MACF1: variants seen among roughly 807,000 people sequenced by gnomAD.
MACF1 encodes microtubule-actin cross-linking factor 1.
A neutral mutation model predicts 854.8 loss-of-function variants in MACF1; 193 were observed. The ratio of observed to expected loss-of-function variants is 0.23; its 90% CI spans 0.20 to 0.25. The LOEUF (loss-of-function observed/expected upper bound fraction) is 0.25, where lower values mean the gene tolerates loss of function less well. Among genes scored for constraint, MACF1 ranks in the 10% least tolerant of loss-of-function variants. The pLI is 1.00. For synonymous variants in MACF1, 3,185 were observed against 3,226.7 expected (o/e 0.99, Z 0.44); for missense variants, 7,722 against 8,929.1 (o/e 0.86, Z 5.45).
intron 58 of MACF1, among the ~76,000 whole-genome samples, chr1:39,406,738 C>CAAAAAAAAAAAAAAAAAAAAAAAAAAA (rs5773658): frequency 3.1e-5 from 1 of 31,838 alleles, no homozygotes; most frequent in African/African-American, 1.5e-4. Context: ...GAGTCTCACT[C>CAAAAAAAAAAAAAAAAAAAAAAAAAAA]AAAAAAAAAA....
rs753725380 is a variant in MACF1, at chr1:39,412,963, G to C, written c.15817-9411G>C. The C allele has an allele frequency of 1.0e-5, 16 of 1,592,554 alleles. No homozygotes were observed. In the African/African-American group the frequency reaches 1.9e-4, roughly 19 times the overall value. ...AGAGGAGGAGGATGTCACAGCTGCTGCAGTATCAGCCCCAGAGAGGGCTAC... is the reference window on the plus strand; with the variant it reads ...AGAGGAGGAGGATGTCACAGCTGCTCCAGTATCAGCCCCAGAGAGGGCTAC... On this transcript the variant is annotated intron_variant, in intron 58 of 100. Transcript: ENST00000564288.
chr1:39,195,963 A>T (rs939761814), intron 2 of MACF1, among the ~76,000 whole-genome samples: 1 of 152,192 alleles, frequency 6.6e-6, no homozygotes, highest in African/African-American at 2.4e-5. Flanking sequence ...AGCAATATTC[A>T]TAGTCTTTGT....
At position 39,331,424 on chromosome 1, in the gene MACF1, C is replaced by A; in HGVS notation, c.4836C>A (p.Leu1612=). Reference sequence around the variant, plus strand: ...TTAATCCCCAGATGTACCAGCAGCTCCGGGAGCTACAGGATGCCCTGGCCT... The same window carrying A: ...TTAATCCCCAGATGTACCAGCAGCTACGGGAGCTACAGGATGCCCTGGCCT... ...NLINPQMYQQ[L]RELQDALALI... Residue 1612 remains leucine (L), a synonymous_variant, in exon 37 of 101, where the codon CTC becomes CTA. Transcript: ENST00000564288. 1 of 1,614,018 alleles carries A rather than the reference C, an allele frequency of 6.2e-7. No homozygotes were observed. The highest frequency in any genetic ancestry group is 1.7e-5 in the Admixed American group (1 of 60,012).
chr1:39,350,348 CAA>C lies in MACF1; in HGVS notation c.10966-436_10966-435del, dbSNP rs377529247. Among the ~76,000 whole-genome samples the C allele has an allele frequency of 5.0e-4, 76 of 152,206 alleles. 2 individuals are homozygous for C. The South Asian group carries it at 0.014, about 28-fold the overall frequency. ...GCTAGTTCGACTGGACTGCAAAAAA[CAA>C]GAGGAAAATTAGGGAAAGTTGAAGT... On this transcript the variant is annotated intron_variant, in intron 42 of 100. Transcript: ENST00000564288.
At chr1:39,342,886 C>A (rs115943340) in intron 40 of MACF1, among the ~76,000 whole-genome samples, 1 of 152,192 alleles carries the variant, frequency 6.6e-6, no homozygotes, top group African/African-American at 2.4e-5. Context: ...ATGCAAAAGA[C>A]CTATTTCTGT....
chr1:39,130,328 C>T (rs1162613904), intron 2 of MACF1, among the ~76,000 whole-genome samples: 1 of 152,210 alleles, frequency 6.6e-6, no homozygotes, highest in Non-Finnish European at 1.5e-5. Flanking sequence ...TTAGCTGTAA[C>T]TAGCCTGGAG....
In MACF1 at chr1:39,368,195, T is replaced by C. The variant is rs1384543509; in HGVS notation, c.12819T>C (p.Leu4273=). The C allele has an allele frequency of 8.1e-6, 13 of 1,614,024 alleles. No individual in the cohort carries two copies. The highest frequency in any genetic ancestry group is 4.0e-5 in the African/African-American group (3 of 74,912). The change falls in exon 50 of 101, where the codon CTT becomes CTC. Residue 4273 remains leucine, a synonymous_variant. Transcript: ENST00000564288. ...MEDQQENLDT[L]EHLVTELSSC... ...ACCAACAGGAGAACCTAGATACTCT[T>C]GAGCACCTGGTCACTGAACTGAGCT...
At chr1:39,412,178 A>T (rs747781874) in intron 58 of MACF1, 1 of 1,613,990 alleles carries the variant, frequency 6.2e-7, no homozygotes, top group Non-Finnish European at 8.5e-7. Flanking sequence ...GACTGCAGTC[A>T]AACTGAGGGG....
rs368128852 is a variant in MACF1 at position 39,139,492 on chromosome 1, A to C, written c.220+55054A>C. Among the ~76,000 whole-genome samples, 13 of 151,924 alleles carry C rather than the reference A, an allele frequency of 8.6e-5. No individual in the cohort carries two copies. The East Asian group carries it at 1.9e-3, about 23-fold the overall frequency. On this transcript the variant is annotated intron_variant, in intron 2 of 93. Transcript: ENST00000361689. ...GGCTGGTCTCAAATTCCTGACCTCA[A>C]GTGATCCTCCCATCTCAGCCTCCCA...
chr1:39,390,409 G>A (rs1383515542), intron 58 of MACF1, among the ~76,000 whole-genome samples: 1 of 152,184 alleles, frequency 6.6e-6, no homozygotes. Flanking sequence ...TTTCAGAAGG[G>A]CCCCTCTAGG....
intron 26 of MACF1, among the ~76,000 whole-genome samples, chr1:39,312,558 C>T (rs1646322113): frequency 6.6e-6 from 1 of 152,120 alleles, no homozygotes; most frequent in South Asian, 2.1e-4. Flanking sequence ...AGTGTGGTGG[C>T]TCACGTCTGT....
chr1:39,254,239 G>A, intron 4 of MACF1, 59 bp from the exon 5 acceptor site: 1 of 1,361,048 alleles, frequency 7.3e-7, no homozygotes, highest in Non-Finnish European at 1.1e-6. Context: ...AAAGAGAAAG[G>A]GTCTGTATGG....
chr1:39,116,650 A>G (rs955784859), intron 2 of MACF1, among the ~76,000 whole-genome samples: 2 of 151,836 alleles, frequency 1.3e-5, no homozygotes, highest in African/African-American at 4.8e-5. Flanking sequence ...GAAATTGTCT[A>G]CTCCTCTGGG....
intron 38 of MACF1, among the ~76,000 whole-genome samples, chr1:39,338,993 T>G (rs953994466): frequency 6.6e-6 from 1 of 152,124 alleles, no homozygotes; most frequent in African/African-American, 2.4e-5. Context: ...AAAAACATAC[T>G]GAGGGCCAGT....
At chr1:39,324,168 A>G (rs199567168) in intron 33 of MACF1, 25 bp from the exon 34 acceptor site, 59 of 1,577,956 alleles carry the variant, frequency 3.7e-5, no homozygotes, top group Non-Finnish European at 4.3e-5. Context: ...TTGCTAGCAT[A>G]TTGATTTTCT....
intron 6 of MACF1, among the ~76,000 whole-genome samples, 191 bp downstream of exon 6, chr1:39,258,219 T>C (rs564448645): frequency 1.1e-4 from 16 of 152,366 alleles, no homozygotes; most frequent in African/African-American, 3.8e-4. Flanking sequence ...CAAAACTTCC[T>C]AATTATTTGC....
At chr1:39,096,572 G>C (rs1352997913) in intron 2 of MACF1, among the ~76,000 whole-genome samples, 1 of 136,794 alleles carries the variant, frequency 7.3e-6, no homozygotes, top group Non-Finnish European at 1.6e-5. Flanking sequence ...CTTGGTGACA[G>C]AGCAAGACTC....
At position 39,085,315 on chromosome 1, in the gene MACF1, A is replaced by G. The variant is rs550023759; in HGVS notation, c.220+877A>G. On this transcript the variant is annotated intron_variant, in intron 2 of 93. Coordinates refer to the MACF1 transcript ENST00000361689. ...GGAGATGCTTCCACTGAAGGCATCC[A>G]CAGCTGCCTCCCTGAAGTGTGCTCA... is the stretch of plus-strand genomic sequence containing the variant. 6.0e-4 allele frequency among the ~76,000 whole-genome samples: 92 copies of G among 152,368 alleles called. 1 individual carries two copies. Among genetic ancestry groups the G allele is most frequent in the African/African-American group, 2.1e-3 (87 of 41,588 alleles).
chr1:39,208,166 G>GTTTTTTT (rs71057199), intron 1 of MACF1, among the ~76,000 whole-genome samples: 1 of 141,562 alleles, frequency 7.1e-6, no homozygotes, highest in Non-Finnish European at 1.5e-5. Context: ...ATATAAAAGG[G>GTTTTTTT]TTTTTTTTTT....
Sources: gnomAD v4.1 joint callset for allele counts (sites outside exome capture counted in the v4.1 genomes callset) on GRCh38, gnomAD v4.1.1 for gene constraint, MANE v1.5 for transcripts, NCBI Gene and HGNC (gene_info 2026-07-23, HGNC 2026-07-21) for gene names.